Variants in DNAH12 observed in about 807,000 individuals in gnomAD.
DNAH12 encodes axonemal beta dynein heavy chain 12.
DNAH12 carries 285 observed loss-of-function variants against 371.5 expected under a neutral mutation model. That is an observed-to-expected ratio of 0.77 (90% CI 0.70 to 0.85). The LOEUF is 0.85. DNAH12 is among the 40% of genes least tolerant of loss of function. The probability of loss-of-function intolerance (pLI) is 0.00; values close to 1 mark genes in which losing one functional copy is unlikely to be tolerated. For missense variants in DNAH12, 3,611 were observed against 3,689.4 expected (o/e 0.98, Z 0.55); for synonymous variants, 1,200 against 1,213.0 (o/e 0.99, Z 0.22).
chr3:57,449,762 TCCAGCCTTGG>T (rs1168744226), intron 25 of DNAH12, among the ~76,000 whole-genome samples: 2 of 152,166 alleles, frequency 1.3e-5, no homozygotes, highest in Non-Finnish European at 2.9e-5. Flanking sequence ...GGGAGTGGGC[TCCAGCCTTGG>T]CCAGCCCAGA....
intron 39 of DNAH12, among the ~76,000 whole-genome samples, chr3:57,411,795 C>G (rs1553683127): frequency 6.6e-6 from 1 of 152,056 alleles, no homozygotes; most frequent in Non-Finnish European, 1.5e-5. Context: ...CAATCTAAAT[C>G]CCAGCAAGTT....
chr3:57,388,620 G>C lies in DNAH12; in HGVS notation c.7306-1401C>G, dbSNP rs1041442624. ...TTAGTGAAATTTTATAAAATGCCAG[G>C]TTAAATGTCATATAACTTACACATC... On this transcript the variant is annotated intron_variant, in intron 45 of 73. Transcript: ENST00000495027. Among the ~76,000 whole-genome samples, 613 of 152,078 alleles carry C rather than the reference G, an allele frequency of 4.0e-3. 2 individuals are homozygous for C. Among genetic ancestry groups the C allele is most frequent in the African/African-American group, 0.014 (585 of 41,494 alleles).
rs1245770977 is a variant in DNAH12, at chr3:57,356,493, TAAAG to T, written c.9533+679_9533+682del. Among the ~76,000 whole-genome samples, 421 of 138,694 alleles carry T rather than the reference TAAAG, an allele frequency of 3.0e-3. 2 individuals are homozygous for T. The highest frequency in any genetic ancestry group is 0.011 in the African/African-American group (397 of 37,058). The allele number at this position is 138,694 out of a possible 152,430, so 91.0% of individuals were successfully genotyped here. ...TAAATAAATAAATAAATAAATAAAATAAAGAAAAAAGAAATGTGGGACTGAAGCC... is the reference window on the plus strand; with the variant it reads ...TAAATAAATAAATAAATAAATAAAATAAAAAAGAAATGTGGGACTGAAGCC... On this transcript the variant is annotated intron_variant, in intron 59 of 73. Coordinates refer to ENST00000495027, the MANE Select transcript of DNAH12 (RefSeq NM_001366028.2).
Position 57,323,163 on chromosome 3 carries a change from A to C in DNAH12, c.10227T>G (p.Ile3409Met). The change falls in exon 64 of 74, where the codon ATT becomes ATG. Residue 3409 changes from isoleucine (I) to methionine (M), a missense_variant. By Grantham distance (10) the Ile-to-Met change is conservative. Transcript: ENST00000495027. ...AAGTTCCTTCTTCAATTGCTGCTTT[A>C]ATCATTTTTGCTGCAATCGGTCCTT... ...QGQGPIAAKM[I>M]KAAIEEGTWV... 1 of 1,552,424 alleles carries C rather than the reference A, an allele frequency of 6.4e-7. No homozygotes were observed. The highest frequency in any genetic ancestry group is 8.7e-7 in the Non-Finnish European group (1 of 1,147,152).
chr3:57,459,482 G>T, intron 20 of DNAH12, 110 bp downstream of exon 20: 1 of 1,066,960 alleles, frequency 9.4e-7, no homozygotes, highest in Non-Finnish European at 1.2e-6. Flanking sequence ...TTTCCAGTTT[G>T]TATACAATGA....
At chr3:57,497,484 A>G (rs1477834241) in intron 11 of DNAH12, among the ~76,000 whole-genome samples, 1 of 152,240 alleles carries the variant, frequency 6.6e-6, no homozygotes, top group Non-Finnish European at 1.5e-5. Context: ...TAATTCAATG[A>G]GTACAAGATA....
intron 62 of DNAH12, 101 bp from the exon 63 acceptor site, chr3:57,323,720 G>T: frequency 7.9e-7 from 1 of 1,260,342 alleles, no homozygotes; most frequent in Non-Finnish European, 1.0e-6. Flanking sequence ...TGAGCCTAAT[G>T]GTCAAAAAAA....
intron 9 of DNAH12, among the ~76,000 whole-genome samples, chr3:57,502,725 T>C (rs2067598604): frequency 6.6e-6 from 1 of 152,134 alleles, no homozygotes; most frequent in African/African-American, 2.4e-5. Flanking sequence ...AATTTTTGTA[T>C]TTTTAGAGAC....
At chr3:57,477,979 C>A (rs1254035990) in intron 13 of DNAH12, among the ~76,000 whole-genome samples, 1 of 152,166 alleles carries the variant, frequency 6.6e-6, no homozygotes, top group Admixed American at 6.5e-5. Context: ...GGGGAAAAAA[C>A]AGAGCAGAAA....
chr3:57,461,715 C>A (rs367811052), intron 18 of DNAH12, 26 bp from the exon 19 acceptor site: 1 of 1,529,952 alleles, frequency 6.5e-7, no homozygotes, highest in African/African-American at 1.4e-5. Flanking sequence ...GAAGAAAGAA[C>A]GGGATGGTGA....
At chr3:57,474,100 C>G (rs2066449877) in intron 13 of DNAH12, among the ~76,000 whole-genome samples, 1 of 152,084 alleles carries the variant, frequency 6.6e-6, no homozygotes, top group South Asian at 2.1e-4. Context: ...CACTGCTATT[C>G]AACATTGTAC....
rs754233375 is a variant in DNAH12 at position 57,489,607 on chromosome 3, A to T, written c.1416T>A (p.Asp472Glu). Residue 472 changes from aspartate (D) to glutamate (E), a missense_variant, in exon 12 of 74, where the codon GAT becomes GAA. By Grantham distance (45) the Asp-to-Glu change is conservative. Around this residue, in one of 3 missense-constraint regions of DNAH12, gnomAD observed 1,314 missense variants for 1,398.7 expected, o/e 0.94. Transcript: ENST00000495027. ...TCAGGCCTGTCTTCAAATCTTCACA[A>T]TCCAAACGCACCATAGTGTAATGAA... ...QWIHYTMVRL[D>E]CEDLKTGLTN... The T allele has an allele frequency of 3.7e-5, 57 of 1,544,106 alleles. No individual in the cohort carries two copies. Among genetic ancestry groups the T allele is most frequent in the South Asian group, 1.6e-4 (13 of 82,208 alleles).
intron 58 of DNAH12, among the ~76,000 whole-genome samples, chr3:57,358,477 G>C (rs2062849713): frequency 1.3e-5 from 2 of 152,128 alleles, no homozygotes; most frequent in Non-Finnish European, 2.9e-5. Flanking sequence ...TCCTATAATT[G>C]AGAAAATAAA....
At chr3:57,408,651 T>C in intron 39 of DNAH12, 116 bp from the exon 40 acceptor site, 1 of 1,267,710 alleles carries the variant, frequency 7.9e-7, no homozygotes, top group Non-Finnish European at 1.0e-6. Context: ...AAGGAATAAC[T>C]TCAGATAACA....
intron 11 of DNAH12, among the ~76,000 whole-genome samples, chr3:57,494,768 G>C (rs1055253508): frequency 4.6e-5 from 7 of 152,154 alleles, no homozygotes; most frequent in African/African-American, 1.7e-4. Flanking sequence ...CAGCAGTTTG[G>C]GAGGCTGAGG....
At chr3:57,343,360 C>T (rs2153315988) in intron 60 of DNAH12, among the ~76,000 whole-genome samples, 1 of 152,312 alleles carries the variant, frequency 6.6e-6, no homozygotes, top group African/African-American at 2.4e-5. Context: ...ACCTGGAGCT[C>T]ACAAAAACAT....
chr3:57,445,781 G>A (rs1361702537), intron 27 of DNAH12, among the ~76,000 whole-genome samples: 1 of 151,988 alleles, frequency 6.6e-6, no homozygotes, highest in Non-Finnish European at 1.5e-5. Context: ...GAGGTCAGGA[G>A]ATCAAGACCA....
intron 12 of DNAH12, among the ~76,000 whole-genome samples, chr3:57,486,181 CA>C (rs11338004): frequency 0.21 from 25,246 of 121,092 alleles, 2,280 homozygotes; most frequent in African/African-American, 0.3. Flanking sequence ...GACTCCATCT[CA>C]AAAAAAAAAA....
At chr3:57,309,524 A>T in intron 68 of DNAH12, 142 bp downstream of exon 68, 1 of 837,086 alleles carries the variant, frequency 1.2e-6, no homozygotes, top group Non-Finnish European at 1.7e-6. Flanking sequence ...TATTATCACC[A>T]TTTAACGGAT....
Sources: gnomAD v4.1 joint callset for allele counts (sites outside exome capture counted in the v4.1 genomes callset) on GRCh38, gnomAD v4.1.1 for gene constraint, gnomAD v4.1.1 regional missense constraint, MANE v1.5 for transcripts, NCBI Gene and HGNC (gene_info 2026-07-23, HGNC 2026-07-21) for gene names.